The following NOTCH3 variants were observed in gnomAD, a reference collection of about 807,000 sequenced individuals.
The protein encoded by NOTCH3 is notch receptor 3.
Under a neutral mutation model 213.3 loss-of-function variants are expected in NOTCH3, and 86 were observed. That is an observed-to-expected ratio of 0.40 (90% CI 0.34 to 0.48). The LOEUF is 0.48. Among genes scored for constraint, NOTCH3 ranks in the 20% least tolerant of loss-of-function variants. The probability of loss-of-function intolerance (pLI) is 0.57; values close to 1 mark genes in which losing one functional copy is unlikely to be tolerated. For missense variants in NOTCH3, 2,783 were observed against 3,272.6 expected, an observed-to-expected ratio of 0.85 and a Z score of 3.65; for synonymous variants, 1,354 against 1,355.9, an observed-to-expected ratio of 1.00 and a Z score of 0.03.
intron 15 of NOTCH3, 37 bp from the exon 16 acceptor site, chr19:15,184,487 G>T: frequency 6.2e-7 from 1 of 1,610,402 alleles, no homozygotes; most frequent in South Asian, 1.1e-5. Flanking sequence ...TAGGGTTACA[G>T]GGTACAGAGC....
chr19:15,161,248 T>G lies in NOTCH3; in HGVS notation c.6380A>C (p.Tyr2127Ser), dbSNP rs2145381697. The G allele has an allele frequency of 1.3e-6, 2 of 1,547,454 alleles. No individual in the cohort carries two copies. Among genetic ancestry groups the G allele is most frequent in the South Asian group, 2.4e-5 (2 of 84,458 alleles). ...CACTGCAGTGGCAGTGGCAGCTGCA[T>G]AGGGCCCCTCAAGGGGGAAGCCACC... ...SPGGFPLEGP[Y>S]AAATATAVSL... The change falls in exon 33 of 33, where the codon TAT becomes TCT. Residue 2127 changes from tyrosine (Y) to serine (S), a missense_variant. Transcript: ENST00000263388.
rs1184202497 is a variant in NOTCH3 at position 15,162,458 on chromosome 19, G to A, written c.5913+7C>T. ...TGACACCCAGTGGACCAAGGGCTGG[G>A]GCTCACCTTGCTATCCTGCATGTCC... On this transcript the variant is annotated splice_region_variant and intron_variant, in intron 32 of 32. Coordinates refer to ENST00000263388, the MANE Select transcript of NOTCH3 (RefSeq NM_000435.3). 1.2e-6 allele frequency: 2 copies of A among 1,609,510 alleles called. No homozygotes were observed. The highest frequency in any genetic ancestry group is 2.2e-5 in the East Asian group (1 of 44,878).
intron 9 of NOTCH3, 61 bp from the exon 10 acceptor site, chr19:15,188,055 C>T: frequency 1.5e-6 from 2 of 1,307,932 alleles, no homozygotes; most frequent in South Asian, 1.3e-5. Context: ...CACCCCTCTC[C>T]AGCCCCGCCT....
intron 31 of NOTCH3, 85 bp from the exon 32 acceptor site, chr19:15,162,647 G>A (rs1048006162): frequency 2.0e-6 from 2 of 1,000,458 alleles, no homozygotes; most frequent in Admixed American, 1.9e-5. Flanking sequence ...TCTAGAATGT[G>A]GCCTAGGGGT....
chr19:15,161,855 G>A (rs2046647051), intron 32 of NOTCH3, 141 bp from the exon 33 acceptor site: 1 of 706,124 alleles, frequency 1.4e-6, no homozygotes, highest in Non-Finnish European at 2.3e-6. Flanking sequence ...CTGTGCTGGG[G>A]GAGCCTGGAC....
At position 15,189,373 on chromosome 19, in the gene NOTCH3, A is replaced by C. The variant is rs552957352; in HGVS notation, c.1092T>G (p.Ala364=). The change falls in exon 7 of 33, where the codon GCT becomes GCG. Residue 364 remains alanine (A), a synonymous_variant. Coordinates refer to ENST00000263388, the MANE Select transcript of NOTCH3 (RefSeq NM_000435.3). ...ACVSNPCHED[A]ICDTNPVNGR... ...CGTTCACCGGATTTGTGTCACAGAT[A>C]GCATCCTCGTGGCAGGGGTTGCTGA... The C allele has an allele frequency of 8.7e-6, 14 of 1,613,898 alleles. No individual in the cohort carries two copies. The South Asian group carries it at 1.4e-4, about 16-fold the overall frequency.
intron 23 of NOTCH3, 157 bp downstream of exon 23, chr19:15,178,666 T>G: frequency 1.5e-6 from 1 of 681,570 alleles, no homozygotes; most frequent in Non-Finnish European, 2.6e-6. Context: ...ATTACAGGTG[T>G]GAGCTACCAC....
At chr19:15,187,601 C>T (rs1175843905) in intron 10 of NOTCH3, among the ~76,000 whole-genome samples, 3 of 152,016 alleles carry the variant, frequency 2.0e-5, no homozygotes, top group Non-Finnish European at 4.4e-5. Context: ...CTGTTTCTGC[C>T]CCACCCTCCA....
chr19:15,186,777 T>C, intron 12 of NOTCH3, 101 bp downstream of exon 12: 1 of 942,328 alleles, frequency 1.1e-6, no homozygotes, highest in Non-Finnish European at 1.7e-6. Context: ...GACAACCTCG[T>C]TGGACAAGAG....
rs2046682815 is a variant in NOTCH3 at position 15,166,009 on chromosome 19, G to A, written c.5445C>T (p.Asp1815=). ...PMPTEEDEAD[D]TSASIISDLI... is the part of the protein sequence containing the mutation. ...GGTCGGAGATGATGCTAGCTGATGT[G>A]TCATCTGCCTCATCCTCTTCAGTTG... The change falls in exon 30 of 33, where the codon GAC becomes GAT. Residue 1815 remains aspartate, a synonymous_variant. Coordinates refer to ENST00000263388, the MANE Select transcript of NOTCH3 (RefSeq NM_000435.3). 3 of 1,613,936 alleles carry A rather than the reference G, an allele frequency of 1.9e-6. No homozygotes were observed. In the African/African-American group the frequency reaches 4.0e-5, roughly 22 times the overall value.
chr19:15,165,498 G>A lies in NOTCH3; in HGVS notation c.5685C>T (p.Arg1895=). 31 of 1,612,466 alleles carry A rather than the reference G, an allele frequency of 1.9e-5. No homozygotes were observed. The highest frequency in any genetic ancestry group is 2.6e-5 in the Non-Finnish European group (31 of 1,180,024). The change falls in exon 31 of 33, where the codon CGC becomes CGT. Residue 1895 remains arginine (R), a synonymous_variant. Transcript: ENST00000263388. This position sits in a 1 kb window ranked among gnomAD's most constrained non-coding sequence, Gnocchi z 4.7. ...QGVFQILIRN[R]STDLDARMAD... is the part of the protein sequence containing the mutation. ...CCATGCGGGCATCCAAGTCTGTAGA[G>A]CGGTTTCGGATGAGAATCTAGGACA...
chr19:15,183,600 T>A (rs28485590), intron 16 of NOTCH3, among the ~76,000 whole-genome samples: 14,930 of 152,124 alleles, frequency 0.098, 1,969 homozygotes, highest in African/African-American at 0.31. Flanking sequence ...GGTTTCTCCA[T>A]GTTGGCCAGG....
At position 15,160,657 on chromosome 19, in the gene NOTCH3, GC is replaced by G; in HGVS notation, c.*4del. On this transcript the variant is annotated 3_prime_UTR_variant, in exon 33 of 33. Coordinates refer to ENST00000263388, the MANE Select transcript of NOTCH3 (RefSeq NM_000435.3). The stretch of plus-strand genomic sequence containing the variant: ...GCCCCCAAGATCTAAGAACTGACGA[GC>G]GTCTCAGGCCAACACTTGCCTCTTG... The G allele has an allele frequency of 6.2e-7, 1 of 1,611,924 alleles. No individual in the cohort carries two copies. The highest frequency in any genetic ancestry group is 2.2e-5 in the East Asian group (1 of 44,868).
At position 15,181,603 on chromosome 19, in the gene NOTCH3, T is replaced by TCGCAGTGGAAGCCTC; in HGVS notation, c.2750_2764dup (p.Gly917_Cys921dup). The TCGCAGTGGAAGCCTC allele has an allele frequency of 6.4e-7, 1 of 1,550,600 alleles. No homozygotes were observed. The highest frequency in any genetic ancestry group is 8.7e-7 in the Non-Finnish European group (1 of 1,146,770). On this transcript the variant is annotated inframe_insertion, in exon 17 of 33. Transcript: ENST00000263388. ...GGGGCTGCAGTCGGGCAGGTCCTGTTCGCAGTGGAAGCCTCCGTAGCCTGG... is the reference window on the plus strand; with the variant it reads ...GGGGCTGCAGTCGGGCAGGTCCTGTTCGCAGTGGAAGCCTCCGCAGTGGAAGCCTCCGTAGCCTGG...
chr19:15,194,609 A>G (rs1248810084), intron 2 of NOTCH3, among the ~76,000 whole-genome samples: 1 of 152,148 alleles, frequency 6.6e-6, no homozygotes, highest in Non-Finnish European at 1.5e-5. Context: ...GGAGGGGGCC[A>G]TGGGGCTTTC....
At position 15,181,670 on chromosome 19, in the gene NOTCH3, T is replaced by G. The variant is rs1599383571; in HGVS notation, c.2698A>C (p.Thr900Pro). The change falls in exon 17 of 33, where the codon ACC (threonine) becomes CCC (proline). Residue 900 changes from threonine to proline, a missense_variant. Physicochemically the swap from Thr to Pro is conservative, Grantham distance 38. Around this residue, in one of 6 missense-constraint regions of NOTCH3, gnomAD observed 861 missense variants for 909.1 expected, o/e 0.95. Coordinates refer to ENST00000263388, the MANE Select transcript of NOTCH3 (RefSeq NM_000435.3). ...AAGGAGGCCACGTGGTCGGTACAGG[T>G]GCCCGGGCCGCAGGGGTTGCTCAGG... ...ECLSNPCGPGTCTDHVASFTC... is the reference protein window; with the variant it reads ...ECLSNPCGPGPCTDHVASFTC... 3 of 1,554,228 alleles carry G rather than the reference T, an allele frequency of 1.9e-6. No homozygotes were observed. The East Asian group carries it at 7.3e-5, about 38-fold the overall frequency.
At chr19:15,197,736 C>CA (rs2046980905) in intron 1 of NOTCH3, among the ~76,000 whole-genome samples, 158 bp from the exon 2 acceptor site, 1 of 8,538 alleles carries the variant, frequency 1.2e-4, no homozygotes, top group Non-Finnish European at 3.4e-4. Flanking sequence ...GTTCCCACGC[C>CA]CCCCCCCCCC....
At chr19:15,164,349 G>A (rs1486380398) in intron 31 of NOTCH3, among the ~76,000 whole-genome samples, 1 of 152,068 alleles carries the variant, frequency 6.6e-6, no homozygotes, top group African/African-American at 2.4e-5. Context: ...AGGCCAGCCT[G>A]GCCAACATTG....
intron 16 of NOTCH3, among the ~76,000 whole-genome samples, chr19:15,183,786 C>T (rs1026087502): frequency 6.6e-6 from 1 of 152,054 alleles, no homozygotes; most frequent in Non-Finnish European, 1.5e-5. Context: ...TGTGGTTGCT[C>T]ACGCCTGTAA....
Sources: allele counts gnomAD v4.1 joint callset (sites outside exome capture counted in the v4.1 genomes callset), GRCh38; gene constraint gnomAD v4.1.1; regional missense constraint gnomAD v4.1.1; non-coding constraint Gnocchi (gnomAD v3.1); transcripts MANE v1.5; gene names NCBI Gene and HGNC (gene_info 2026-07-23, HGNC 2026-07-21).